The following CCDC7 variants were observed in gnomAD, a reference collection of about 807,000 sequenced individuals.
CCDC7 encodes the protein coiled-coil domain containing 7, also known as coiled-coil domain-containing protein 7.
In CCDC7, 183 loss-of-function variants were observed where a neutral mutation model predicts 196.9. The ratio of observed to expected loss-of-function variants is 0.93; its 90% CI spans 0.82 to 1.05. The LOEUF (loss-of-function observed/expected upper bound fraction) is 1.05, where lower values mean the gene tolerates loss of function less well. Among genes scored for constraint, CCDC7 ranks in the 50% least tolerant of loss-of-function variants. The probability of loss-of-function intolerance (pLI) is 0.00; values close to 1 mark genes in which losing one functional copy is unlikely to be tolerated. For synonymous variants in CCDC7, 525 were observed against 484.6 expected (o/e 1.08, Z -1.10); for missense variants, 1,540 against 1,482.2 (o/e 1.04, Z -0.64).
Position 32,634,369 on chromosome 10 carries a change from G to A in CCDC7, c.1912+5G>A, listed in dbSNP as rs2065296655. 4.7e-6 allele frequency: 5 copies of A among 1,063,586 alleles called. No homozygotes were observed. The South Asian group carries it at 2.4e-4, about 51-fold the overall frequency. 65.9% of individuals were successfully genotyped at this position (1,063,586 alleles called of 1,614,324 possible). ...CTAGTATGGAAAGACATGAGGGTAA[G>A]TATAATAATTATACATATCTTTACA... On this transcript the variant is annotated splice_donor_5th_base_variant and intron_variant, in intron 19 of 41. Transcript: ENST00000639629.
intron 28 of CCDC7, among the ~76,000 whole-genome samples, chr10:32,736,042 A>C (rs527455941): frequency 6.6e-6 from 1 of 152,180 alleles, no homozygotes; most frequent in Admixed American, 6.5e-5. Context: ...CATCAATAGC[A>C]TACTGTCTTG....
chr10:32,542,545 A>T (rs1336483933), intron 11 of CCDC7, among the ~76,000 whole-genome samples: 4 of 144,936 alleles, frequency 2.8e-5, no homozygotes, highest in African/African-American at 1.0e-4. Context: ...AGACAGGAGA[A>T]TTGCTTGAAC....
chr10:32,566,096 T>C (rs79730544), intron 14 of CCDC7, among the ~76,000 whole-genome samples: 2 of 152,134 alleles, frequency 1.3e-5, no homozygotes, highest in African/African-American at 4.8e-5. Flanking sequence ...AAAAGTGTAT[T>C]TGTGTATTAT....
intron 28 of CCDC7, among the ~76,000 whole-genome samples, chr10:32,765,386 T>C (rs1189492547): frequency 1.3e-5 from 2 of 152,018 alleles, no homozygotes; most frequent in Non-Finnish European, 1.5e-5. Context: ...AATGGGACTT[T>C]AGCACAGATC....
intron 23 of CCDC7, among the ~76,000 whole-genome samples, chr10:32,691,800 T>G (rs563034803): frequency 6.6e-6 from 1 of 152,298 alleles, no homozygotes; most frequent in South Asian, 2.1e-4. Context: ...CATTGTAGCC[T>G]CTGCAGATGA....
At chr10:32,694,770 A>T (rs565296665) in intron 23 of CCDC7, 109 bp from the exon 25 acceptor site, 1 of 565,560 alleles carries the variant, frequency 1.8e-6, no homozygotes, top group African/African-American at 1.9e-5. Flanking sequence ...TTTACTTACA[A>T]ATTTATCAAA....
intron 21 of CCDC7, among the ~76,000 whole-genome samples, chr10:32,671,181 TACTC>T (rs144903200): frequency 0.012 from 1,853 of 152,270 alleles, 45 homozygotes; most frequent in African/African-American, 0.043. Context: ...ACCACTCACT[TACTC>T]ACTCACTCAG....
chr10:32,788,841 G>C (rs963083926), intron 29 of CCDC7, among the ~76,000 whole-genome samples: 2 of 152,064 alleles, frequency 1.3e-5, no homozygotes, highest in Admixed American at 1.3e-4. Context: ...CCAGTCAATT[G>C]GTTCACTCCA....
intron 18 of CCDC7, among the ~76,000 whole-genome samples, chr10:32,598,555 C>G (rs975744217): frequency 6.6e-6 from 1 of 152,198 alleles, no homozygotes; most frequent in Non-Finnish European, 1.5e-5. Context: ...CAGAAATCAC[C>G]TGTCTTCTGC....
intron 11 of CCDC7, among the ~76,000 whole-genome samples, chr10:32,542,076 G>T (rs2051539591): frequency 6.6e-6 from 1 of 152,148 alleles, no homozygotes; most frequent in South Asian, 2.1e-4. Flanking sequence ...TGCTCTGTGA[G>T]AATGGTGCAT....
In CCDC7 at chr10:32,850,251, G is replaced by T. The variant is rs150844106; in HGVS notation, c.3895+1533G>T. ...AGCTACTTTGCAAAGCAAAAATGTG[G>T]TCTGCAGAATCCCCAGATCCAGTAT... On this transcript the variant is annotated intron_variant, in intron 39 of 41. Coordinates refer to ENST00000639629, the Ensembl canonical transcript of CCDC7. 8.8e-3 allele frequency among the ~76,000 whole-genome samples: 1,338 copies of T among 152,228 alleles called. 15 individuals carry two copies. The highest frequency in any genetic ancestry group is 0.029 in the African/African-American group (1,218 of 41,534).
At chr10:32,862,152 A>C (rs1185532263) in intron 41 of CCDC7, among the ~76,000 whole-genome samples, 1 of 152,176 alleles carries the variant, frequency 6.6e-6, no homozygotes, top group African/African-American at 2.4e-5. Context: ...AATAGCAAAG[A>C]CTTGGAACCA....
At position 32,471,266 on chromosome 10, in the gene CCDC7, A is replaced by G. The variant is rs1442955878; in HGVS notation, c.677+36A>G. 4 of 1,593,760 alleles carry G rather than the reference A, an allele frequency of 2.5e-6. No individual in the cohort carries two copies. In the African/African-American group the frequency reaches 5.4e-5, roughly 22 times the overall value. ...TATAAGAACTAATTGAATTAAAAAC[A>G]GTAAGAAAGGGTATATAATTAGCAC... is the stretch of plus-strand genomic sequence containing the variant. On this transcript the variant is annotated intron_variant, in intron 6 of 41. Transcript: ENST00000639629.
At chr10:32,506,398 C>T (rs1227340442) in intron 9 of CCDC7, among the ~76,000 whole-genome samples, 1 of 152,134 alleles carries the variant, frequency 6.6e-6, no homozygotes, top group Non-Finnish European at 1.5e-5. Context: ...GGGCTCCTCA[C>T]ATCCCAGACG....
At chr10:32,870,828 C>T (rs1269651846) in intron 41 of CCDC7, among the ~76,000 whole-genome samples, 1 of 152,084 alleles carries the variant, frequency 6.6e-6, no homozygotes, top group African/African-American at 2.4e-5. Flanking sequence ...TTGTCAAAGG[C>T]TTTTTCCGCA....
intron 24 of CCDC7, among the ~76,000 whole-genome samples, chr10:32,705,255 G>A (rs1293661790): frequency 2.0e-5 from 3 of 152,048 alleles, no homozygotes; most frequent in South Asian, 4.1e-4. Context: ...ATCCTTTACA[G>A]ACAAGCAAGT....
chr10:32,488,034 C>T (rs2041496490), intron 8 of CCDC7, among the ~76,000 whole-genome samples: 1 of 152,236 alleles, frequency 6.6e-6, no homozygotes, highest in Non-Finnish European at 1.5e-5. Flanking sequence ...ACATTTAAGT[C>T]TTCAGAGGAT....
At chr10:32,853,390 G>A (rs1276150643) in intron 40 of CCDC7, among the ~76,000 whole-genome samples, 1 of 152,020 alleles carries the variant, frequency 6.6e-6, no homozygotes. Flanking sequence ...AAAGCATTTG[G>A]CCTTTGAATC....
chr10:32,511,858 A>G (rs2046275233), intron 9 of CCDC7: 1 of 660,934 alleles, frequency 1.5e-6, no homozygotes, highest in Non-Finnish European at 2.7e-6. Flanking sequence ...GATCTCACCA[A>G]TGTATAGCTT....
Sources: allele counts gnomAD v4.1 joint callset (sites outside exome capture counted in the v4.1 genomes callset), GRCh38; gene constraint gnomAD v4.1.1; transcripts MANE v1.5; gene names NCBI Gene and HGNC (gene_info 2026-07-23, HGNC 2026-07-21).